MGAT5: variants seen among roughly 807,000 people sequenced by gnomAD.
MGAT5 encodes the protein alpha-1,6-mannosylglycoprotein 6-beta-N-acetylglucosaminyltransferase.
MGAT5 carries 30 observed loss-of-function variants against 94.3 expected under a neutral mutation model. The ratio of observed to expected loss-of-function variants is 0.32; its 90% CI spans 0.24 to 0.43. MGAT5 has a LOEUF of 0.43. Among genes scored for constraint, MGAT5 ranks in the 20% least tolerant of loss-of-function variants. MGAT5 has a pLI of 1.00. For missense variants in MGAT5, 691 were observed against 905.5 expected (o/e 0.76, Z 3.04); for synonymous variants, 310 against 322.9 (o/e 0.96, Z 0.43).
At chr2:134,408,622 C>A (rs1304532031) in intron 11 of MGAT5, among the ~76,000 whole-genome samples, 1 of 152,156 alleles carries the variant, frequency 6.6e-6, no homozygotes, top group Non-Finnish European at 1.5e-5. Context: ...GTCTTCAGGT[C>A]ACATGAGTCA....
chr2:134,344,011 TGTG>T (rs1263453516), intron 7 of MGAT5, among the ~76,000 whole-genome samples: 3 of 152,150 alleles, frequency 2.0e-5, no homozygotes, highest in Non-Finnish European at 2.9e-5. Context: ...GGGTGGCTGA[TGTG>T]GTGGTAGTAC....
At chr2:134,235,549 C>T (rs1026149523) in intron 1 of MGAT5, among the ~76,000 whole-genome samples, 4 of 151,952 alleles carry the variant, frequency 2.6e-5, no homozygotes, top group Non-Finnish European at 4.4e-5. Flanking sequence ...TCGACAGGGC[C>T]GGTAACACCA....
At chr2:134,393,323 G>A (rs1682523910) in intron 10 of MGAT5, among the ~76,000 whole-genome samples, 1 of 152,132 alleles carries the variant, frequency 6.6e-6, no homozygotes. Flanking sequence ...GCCTGCCTGT[G>A]TAAAGGCTAT....
intron 1 of MGAT5, among the ~76,000 whole-genome samples, chr2:134,137,517 A>T (rs1467198864): frequency 6.6e-6 from 1 of 152,208 alleles, no homozygotes; most frequent in African/African-American, 2.4e-5. Context: ...ACTTGAAGTC[A>T]TTGCTGTGCT....
intron 1 of MGAT5, among the ~76,000 whole-genome samples, chr2:134,203,575 C>T (rs1402928791): frequency 6.6e-6 from 1 of 151,792 alleles, no homozygotes; most frequent in Non-Finnish European, 1.5e-5. Flanking sequence ...TGAGGGTGTG[C>T]GGAGGCTGAA....
At chr2:134,245,400 C>T (rs566929120) in intron 1 of MGAT5, among the ~76,000 whole-genome samples, 7 of 152,184 alleles carry the variant, frequency 4.6e-5, no homozygotes, top group African/African-American at 9.7e-5. Context: ...GTGAATGAAA[C>T]TCATAGAACA....
chr2:134,252,800 T>C (rs1446721088), upstream of MGAT5, among the ~76,000 whole-genome samples: 3 of 152,188 alleles, frequency 2.0e-5, no homozygotes, highest in East Asian at 5.8e-4. Flanking sequence ...CTCTGCCATA[T>C]ACAAACAGGC....
chr2:134,417,889 G>A (rs1020701690), intron 12 of MGAT5, among the ~76,000 whole-genome samples: 2 of 152,034 alleles, frequency 1.3e-5, no homozygotes, highest in African/African-American at 4.8e-5. Context: ...GTATTCTGAT[G>A]GTGATTTTCT....
Position 134,336,303 on chromosome 2 carries a change from A to C in MGAT5, c.645+15A>C. 2 of 1,609,018 alleles carry C rather than the reference A, an allele frequency of 1.2e-6. No individual in the cohort carries two copies. The highest frequency in any genetic ancestry group is 1.7e-6 in the Non-Finnish European group (2 of 1,176,244). On this transcript the variant is annotated intron_variant, in intron 5 of 15. Transcript: ENST00000281923. ...ATAATTCATTGGTAAGTGATTTTGG[A>C]AAACTCTTTCTAGACTTGTGCATTT...
chr2:134,120,271 C>T, exon 1 of MGAT5: 1 of 388,522 alleles, frequency 2.6e-6, no homozygotes, highest in African/African-American at 2.1e-5. Context: ...CTCCCGGCTG[C>T]TGCTGCTGCC....
At position 134,360,788 on chromosome 2, in the gene MGAT5, C is replaced by T. The variant is rs551203864; in HGVS notation, c.1247-1487C>T. 6.6e-5 allele frequency among the ~76,000 whole-genome samples: 10 copies of T among 152,330 alleles called. No homozygotes were observed. In the South Asian group the frequency reaches 8.3e-4, roughly 13 times the overall value. On this transcript the variant is annotated intron_variant, in intron 9 of 15. Transcript: ENST00000281923. ...AGAATTTATTCAGTAATTTACTTTC[C>T]AGCCAACTGCAGCCATTGCCATTGC...
At chr2:134,189,603 T>TTTTGTTTTGTTTTG (rs532822759) in intron 1 of MGAT5, among the ~76,000 whole-genome samples, 5 of 57,540 alleles carry the variant, frequency 8.7e-5, no homozygotes, top group East Asian at 5.7e-4. Flanking sequence ...TTTTTTTTTG[T>TTTTGTTTTGTTTTG]TTTTTTTTTT....
At chr2:134,253,284 C>T (rs1682731000), upstream of MGAT5, 1 of 152,244 alleles carries the variant, frequency 6.6e-6, no homozygotes, top group Non-Finnish European at 1.5e-5. Context: ...TGCTCAGCCT[C>T]TCCCTTGAGT....
chr2:134,441,707 T>C, intron 14 of MGAT5, 51 bp from the exon 15 acceptor site: 2 of 1,571,184 alleles, frequency 1.3e-6, no homozygotes, highest in South Asian at 1.2e-5. Flanking sequence ...GGGCTGGGGA[T>C]CCCCAGCTGT....
At chr2:134,434,299 A>G (rs184491526) in intron 14 of MGAT5, among the ~76,000 whole-genome samples, 1 of 152,286 alleles carries the variant, frequency 6.6e-6, no homozygotes, top group African/African-American at 2.4e-5. Flanking sequence ...GGCTGTGTTC[A>G]TTTGTTTAGA....
chr2:134,138,509 C>A (rs1329284000), intron 1 of MGAT5, among the ~76,000 whole-genome samples: 1 of 152,168 alleles, frequency 6.6e-6, no homozygotes, highest in African/African-American at 2.4e-5. Context: ...GACCATATCA[C>A]AGTAGAAAGT....
upstream of MGAT5, among the ~76,000 whole-genome samples, chr2:134,249,443 A>G (rs1034704559): frequency 5.3e-5 from 8 of 152,064 alleles, no homozygotes; most frequent in African/African-American, 1.9e-4. Flanking sequence ...AGCAAGTACT[A>G]ATGTATTTTC....
intron 7 of MGAT5, among the ~76,000 whole-genome samples, chr2:134,342,059 T>C (rs1370113195): frequency 6.6e-6 from 1 of 152,178 alleles, no homozygotes; most frequent in African/African-American, 2.4e-5. Context: ...CAAAACATTA[T>C]TGACTTTCCT....
rs111639113 is a variant in MGAT5 at position 134,314,706 on chromosome 2, G to A, written c.407-2823G>A. On this transcript the variant is annotated intron_variant, in intron 2 of 15. Coordinates refer to ENST00000281923, the MANE Select transcript of MGAT5 (RefSeq NM_002410.5). Reference sequence around the variant, plus strand: ...GTTTTAGCTGAAGAAAGAGGAAGGGGCTTTAACTGGGCAGAGGAAGAGTGG... The same window carrying A: ...GTTTTAGCTGAAGAAAGAGGAAGGGACTTTAACTGGGCAGAGGAAGAGTGG... 2.8e-3 allele frequency among the ~76,000 whole-genome samples: 420 copies of A among 152,256 alleles called. 3 individuals are homozygous for A. The highest frequency in any genetic ancestry group is 9.1e-3 in the African/African-American group (380 of 41,554).
Sources: allele counts gnomAD v4.1 joint callset (sites outside exome capture counted in the v4.1 genomes callset), GRCh38; gene constraint gnomAD v4.1.1; transcripts MANE v1.5; gene names NCBI Gene and HGNC (gene_info 2026-07-23, HGNC 2026-07-21).